Variants in ZNF182 observed in about 807,000 individuals in gnomAD.
The protein encoded by ZNF182 is zinc finger protein 182, also known as zinc finger protein 21 (KOX 14).
A neutral mutation model predicts 28.1 loss-of-function variants in ZNF182; 10 were observed. The ratio of observed to expected loss-of-function variants is 0.36; its 90% CI spans 0.22 to 0.60. ZNF182 has a LOEUF of 0.60. Among genes scored for constraint, ZNF182 ranks in the 20% least tolerant of loss-of-function variants. ZNF182 has a pLI of 0.75. For missense variants in ZNF182, 352 were observed against 453.2 expected, an observed-to-expected ratio of 0.78 and a Z score of 2.03; for synonymous variants, 156 against 158.7, an observed-to-expected ratio of 0.98 and a Z score of 0.13.
chrX:48,000,359 C>G, intron 3 of ZNF182, among the ~76,000 whole-genome samples: 1 of 109,857 alleles, frequency 9.1e-6, no homozygotes. Flanking sequence ...GTCAGGAGTT[C>G]AAGACCAGCC....
intron 3 of ZNF182, among the ~76,000 whole-genome samples, chrX:48,001,359 A>G (rs2058977933): frequency 1.8e-5 from 2 of 112,573 alleles, no homozygotes; most frequent in African/African-American, 6.5e-5. Flanking sequence ...AGCAATAACA[A>G]AGAAACAACT....
intron 3 of ZNF182, among the ~76,000 whole-genome samples, chrX:47,985,356 T>C (rs1270698681): frequency 3.6e-5 from 4 of 112,341 alleles, no homozygotes; most frequent in African/African-American, 1.3e-4. Context: ...CATGATTACA[T>C]TTATATATTA....
chrX:47,991,261 C>T (rs1409526040), intron 3 of ZNF182, among the ~76,000 whole-genome samples: 2 of 111,404 alleles, frequency 1.8e-5, no homozygotes, highest in Admixed American at 1.9e-4. Flanking sequence ...GAGGCCACAG[C>T]GAGAAGACAG....
rs1022005571 is a variant in ZNF182, at chrX:47,982,858, G to A, written c.232+91C>T. 4.6e-6 allele frequency: 4 copies of A among 876,096 alleles called. No individual in the cohort carries two copies. In the Admixed American group the frequency reaches 9.8e-5, roughly 22 times the overall value. 72.2% of individuals were successfully genotyped at this position (876,096 alleles called of 1,213,427 possible). ...GCCAAGGGCCAGAACCTTTTCCTAA[G>A]ATATTCCTGAAAGCCCTGTCAGAGG... On this transcript the variant is annotated intron_variant, in intron 5 of 5. Coordinates refer to ENST00000376943, the MANE Select transcript of ZNF182 (RefSeq NM_001007088.2).
Position 47,977,285 on chromosome X carries a change from C to T in ZNF182, c.745G>A (p.Gly249Arg), listed in dbSNP as rs1377570050. The stretch of plus-strand genomic sequence containing the variant: ...TGAGATTTTTGGCTAAAAGCTTTTC[C>T]ACATTCGGTACATCCAAAAGGTTTC... ...GEKPFGCTEC[G>R]KAFSQKSQLI... Residue 249 changes from glycine (G) to arginine (R), a missense_variant, in exon 6 of 6, where the codon GGA becomes AGA. Gly to Arg is a moderately radical substitution (Grantham distance 125, BLOSUM62 -2). Transcript: ENST00000376943. The T allele has an allele frequency of 1.7e-6, 2 of 1,209,693 alleles. No individual in the cohort carries two copies. Among genetic ancestry groups the T allele is most frequent in the Non-Finnish European group, 2.2e-6 (2 of 895,203 alleles).
intron 5 of ZNF182, 48 bp from the exon 6 acceptor site, chrX:47,977,845 C>T (rs372456372): frequency 4.1e-5 from 42 of 1,028,005 alleles, no homozygotes; most frequent in Non-Finnish European, 4.9e-5. Flanking sequence ...CATTATGGAG[C>T]GGACCTTCTT....
intron 3 of ZNF182, among the ~76,000 whole-genome samples, chrX:47,986,455 A>G (rs2058923658): frequency 8.9e-6 from 1 of 112,418 alleles, no homozygotes; most frequent in Non-Finnish European, 1.9e-5. Context: ...TTAGGCTAAG[A>G]ATTAGTGTGC....
At position 47,974,887 on chromosome X, in the gene ZNF182, C is replaced by T. The variant is rs1160346594; in HGVS notation, c.*1280G>A. 3 of 111,464 alleles carry T rather than the reference C, an allele frequency of 2.7e-5. No individual in the cohort carries two copies. The highest frequency in any genetic ancestry group is 3.3e-5 in the African/African-American group (1 of 30,618). 9.2% of individuals were successfully genotyped at this position (111,464 alleles called of 1,213,427 possible). ...ATGTTTTATTTTTGAAAAGGTAGTA[C>T]ATCCACATAGTACATAGTACACCCA... On this transcript the variant is annotated 3_prime_UTR_variant, in exon 6 of 6. Transcript: ENST00000376943.
chrX:47,994,586 T>A (rs1336297590), intron 3 of ZNF182, among the ~76,000 whole-genome samples: 1 of 111,833 alleles, frequency 8.9e-6, no homozygotes, highest in African/African-American at 3.3e-5. Context: ...TAGGGACATT[T>A]AGCAAACTGT....
Position 47,983,286 on chromosome X carries a change from C to T in ZNF182, c.141G>A (p.Val47=). Reference sequence around the variant, plus strand: ...ATTACCTAAGGAAGCTATTCTTACCCACAAAGACCAAGTTGCTGTAGGTCT... The same window carrying T: ...ATTACCTAAGGAAGCTATTCTTACCTACAAAGACCAAGTTGCTGTAGGTCT... The part of the protein sequence containing the change: ...MLETYSNLVF[V]GQQVTKPNLI... The change falls in exon 4 of 6, where the codon GTG becomes GTA. Residue 47 remains valine (V), a splice_region_variant and synonymous_variant. Coordinates refer to ENST00000376943, the MANE Select transcript of ZNF182 (RefSeq NM_001007088.2). The T allele has an allele frequency of 8.3e-7, 1 of 1,211,207 alleles. No homozygotes were observed. The highest frequency in any genetic ancestry group is 1.1e-6 in the Non-Finnish European group (1 of 895,323).
At chrX:47,989,422 G>A (rs1029625859) in intron 3 of ZNF182, among the ~76,000 whole-genome samples, 30 of 38,942 alleles carry the variant, frequency 7.7e-4, no homozygotes, top group Non-Finnish European at 1.6e-3. Flanking sequence ...GTGAGACTTC[G>A]TCTCAAAAAA....
intron 3 of ZNF182, among the ~76,000 whole-genome samples, chrX:47,994,793 C>T (rs1556900865): frequency 9.1e-6 from 1 of 110,369 alleles, no homozygotes; most frequent in Non-Finnish European, 1.9e-5. Context: ...CACCTGCCAC[C>T]ACACCTAGCT....
intron 3 of ZNF182, among the ~76,000 whole-genome samples, chrX:48,000,142 A>C (rs2058973961): frequency 9.0e-6 from 1 of 111,642 alleles, no homozygotes. Flanking sequence ...TCTCAAAAAA[A>C]AATTAAAACA....
chrX:47,991,177 T>C (rs1338173279), intron 3 of ZNF182, among the ~76,000 whole-genome samples: 1 of 111,251 alleles, frequency 9.0e-6, no homozygotes, highest in Non-Finnish European at 1.9e-5. Flanking sequence ...AGAGGACTGG[T>C]GTCCTTATAA....
chrX:47,981,585 G>A (rs1263007574), intron 5 of ZNF182, among the ~76,000 whole-genome samples: 1 of 112,352 alleles, frequency 8.9e-6, no homozygotes, highest in African/African-American at 3.2e-5. Context: ...TAATAGATAA[G>A]AAGCAATTTC....
intron 2 of ZNF182, among the ~76,000 whole-genome samples, chrX:48,002,928 T>C (rs1198838013): frequency 8.9e-6 from 1 of 112,663 alleles, no homozygotes; most frequent in Non-Finnish European, 1.9e-5. Context: ...TTTATCATAA[T>C]GTATCATAAT....
At chrX:47,986,363 TTCC>T (rs2146463944) in intron 3 of ZNF182, among the ~76,000 whole-genome samples, 1 of 112,696 alleles carries the variant, frequency 8.9e-6, no homozygotes, top group East Asian at 2.8e-4. Context: ...TTCATGTTAT[TTCC>T]TTTTTCCTTT....
At chrX:48,001,822 G>C (rs2058979298) in intron 3 of ZNF182, among the ~76,000 whole-genome samples, 1 of 111,440 alleles carries the variant, frequency 9.0e-6, no homozygotes, top group African/African-American at 3.3e-5. Flanking sequence ...CAGTGACACA[G>C]AACAGACCTA....
chrX:47,996,108 T>C (rs2058957694), intron 3 of ZNF182, among the ~76,000 whole-genome samples: 1 of 112,303 alleles, frequency 8.9e-6, no homozygotes, highest in South Asian at 3.6e-4. Flanking sequence ...ATAGAATAGA[T>C]TATCCTTGAG....
Sources: gnomAD v4.1 joint callset for allele counts (sites outside exome capture counted in the v4.1 genomes callset) on GRCh38, gnomAD v4.1.1 for gene constraint, MANE v1.5 for transcripts, NCBI Gene and HGNC (gene_info 2026-07-23, HGNC 2026-07-21) for gene names.